GRAMD4: variants seen among roughly 807,000 people sequenced by gnomAD.
The protein encoded by GRAMD4 is GRAM domain-containing protein 4.
Under a neutral mutation model 83.9 loss-of-function variants are expected in GRAMD4, and 25 were observed. The ratio of observed to expected loss-of-function variants is 0.30; its 90% CI spans 0.22 to 0.42. The LOEUF (loss-of-function observed/expected upper bound fraction) is 0.42, where lower values mean the gene tolerates loss of function less well. GRAMD4 is among the 10% of genes least tolerant of loss of function. GRAMD4 has a pLI of 1.00. For missense variants in GRAMD4, 593 were observed against 788.7 expected (o/e 0.75, Z 2.97); for synonymous variants, 336 against 320.9 (o/e 1.05, Z -0.50).
At chr22:46,632,390 A>C (rs965084497) in intron 2 of GRAMD4, among the ~76,000 whole-genome samples, 5 of 152,238 alleles carry the variant, frequency 3.3e-5, no homozygotes, top group African/African-American at 1.2e-4. Context: ...AGAGGGCTGC[A>C]GATTTCAGTT....
At chr22:46,589,793 T>C (rs951735999) in intron 1 of GRAMD4, among the ~76,000 whole-genome samples, 3 of 152,170 alleles carry the variant, frequency 2.0e-5, no homozygotes, top group African/African-American at 7.2e-5. Flanking sequence ...ACCTGCTTTG[T>C]GTGCACCCTG....
intron 3 of GRAMD4, among the ~76,000 whole-genome samples, chr22:46,654,440 C>T (rs973221563): frequency 2.0e-5 from 3 of 152,184 alleles, no homozygotes; most frequent in African/African-American, 7.2e-5. Flanking sequence ...TTGGCAGAGC[C>T]CGGCGTGTGA....
At position 46,677,361 on chromosome 22, in the gene GRAMD4, A is replaced by G; in HGVS notation, c.*110A>G. 6.9e-7 allele frequency: 1 copy of G among 1,452,254 alleles called. No individual in the cohort carries two copies. The highest frequency in any genetic ancestry group is 9.1e-7 in the Non-Finnish European group (1 of 1,104,942). 90.0% of individuals were successfully genotyped at this position (1,452,254 alleles called of 1,614,324 possible). ...ATTGGACATCCTCATGAGCTTTTGC[A>G]ATAATTCTCCTGGACCTGTGGTTCT... On this transcript the variant is annotated 3_prime_UTR_variant, in exon 19 of 19. Coordinates refer to ENST00000406902, the MANE Select transcript of GRAMD4 (RefSeq NM_015124.5).
intron 1 of GRAMD4, among the ~76,000 whole-genome samples, chr22:46,625,769 C>T (rs1185194505): frequency 6.6e-6 from 1 of 152,246 alleles, no homozygotes; most frequent in Non-Finnish European, 1.5e-5. Flanking sequence ...CTGTGGGCCA[C>T]TGATCCTGGC....
In GRAMD4 at chr22:46,673,662, G is replaced by A. The variant is rs552462346; in HGVS notation, c.1240-8G>A. On this transcript the variant is annotated splice_polypyrimidine_tract_variant and splice_region_variant and intron_variant, in intron 14 of 18. Transcript: ENST00000406902. ...GGGCCTGACCTCGACGCTGTTTGCC[G>A]TTGGCAGCTGCAGACGACCTCGTCA... 3.4e-5 allele frequency: 55 copies of A among 1,609,608 alleles called. No homozygotes were observed. The highest frequency in any genetic ancestry group is 8.3e-5 in the Admixed American group (5 of 59,990).
intron 10 of GRAMD4, 104 bp downstream of exon 10, chr22:46,666,977 G>C (rs773591819): frequency 9.9e-5 from 80 of 810,470 alleles, no homozygotes; most frequent in Non-Finnish European, 1.5e-4. Flanking sequence ...AGGCCATGTG[G>C]TCATCCCCCT....
intron 1 of GRAMD4, among the ~76,000 whole-genome samples, chr22:46,602,199 G>A (rs150556888): frequency 4.3e-4 from 65 of 152,274 alleles, no homozygotes; most frequent in African/African-American, 1.3e-3. Context: ...TTGCCCCACC[G>A]CCATCGTGCG....
chr22:46,586,257 C>CA (rs2081148604), intron 1 of GRAMD4, among the ~76,000 whole-genome samples: 3 of 152,212 alleles, frequency 2.0e-5, no homozygotes, highest in Non-Finnish European at 2.9e-5. Context: ...TGTCTCCTTC[C>CA]TTGCCCTGGC....
chr22:46,681,841 C>T (rs534657578), downstream of GRAMD4, among the ~76,000 whole-genome samples: 9 of 152,256 alleles, frequency 5.9e-5, no homozygotes, highest in African/African-American at 1.9e-4. Flanking sequence ...GTGAGTGACG[C>T]TGGGAACCCA....
chr22:46,651,974 G>A (rs961792274), intron 3 of GRAMD4, among the ~76,000 whole-genome samples: 8 of 152,122 alleles, frequency 5.3e-5, no homozygotes, highest in African/African-American at 1.2e-4. Context: ...GAAAGTCCAC[G>A]CCGGGCCAGG....
intron 1 of GRAMD4, among the ~76,000 whole-genome samples, chr22:46,595,641 T>C (rs4823862): frequency 0.92 from 139,696 of 152,280 alleles, 64,233 homozygotes; most frequent in East Asian, 1. Context: ...CCTCTGAGCG[T>C]CACCCCTCCC....
In GRAMD4 at chr22:46,678,457, G is replaced by A. The variant is rs923870488; in HGVS notation, c.*1206G>A. On this transcript the variant is annotated 3_prime_UTR_variant, in exon 19 of 19. Coordinates refer to ENST00000406902, the MANE Select transcript of GRAMD4 (RefSeq NM_015124.5). ...TCCCGGGAACAAGGTGGCATTTGTG[G>A]AGGGAGCGCCCGCAGGCCTGGTCTG... 7.1e-6 allele frequency: 7 copies of A among 985,316 alleles called. No individual in the cohort carries two copies. Among genetic ancestry groups the A allele is most frequent in the Admixed American group, 6.1e-5 (1 of 16,278 alleles). The allele number at this position is 985,316 out of a possible 1,614,324, so 61.0% of individuals were successfully genotyped here.
chr22:46,624,110 T>G (rs1179952434), intron 1 of GRAMD4, among the ~76,000 whole-genome samples: 1 of 152,116 alleles, frequency 6.6e-6, no homozygotes, highest in Non-Finnish European at 1.5e-5. Context: ...ACATGGATAT[T>G]AATCCTTCAT....
chr22:46,584,748 G>A (rs1257317716), intron 1 of GRAMD4, among the ~76,000 whole-genome samples: 1 of 152,212 alleles, frequency 6.6e-6, no homozygotes, highest in Non-Finnish European at 1.5e-5. Context: ...GAGGGAGGCT[G>A]CAGGAGAACC....
At chr22:46,682,746 T>C (rs1031362342), downstream of GRAMD4, among the ~76,000 whole-genome samples, 2 of 152,238 alleles carry the variant, frequency 1.3e-5, no homozygotes, top group Non-Finnish European at 2.9e-5. Flanking sequence ...ATAAACTCTT[T>C]CTTAGGAGAA....
Position 46,637,313 on chromosome 22 carries a change from C to T in GRAMD4, c.163-527C>T, listed in dbSNP as rs528693623. ...TGTCGCCCAGGCTGGAGCACAGTGGCGCGATCTTGGCTCACTGCAAGCTCC... is the reference window on the plus strand; with the variant it reads ...TGTCGCCCAGGCTGGAGCACAGTGGTGCGATCTTGGCTCACTGCAAGCTCC... On this transcript the variant is annotated intron_variant, in intron 2 of 18. Coordinates refer to ENST00000406902, the MANE Select transcript of GRAMD4 (RefSeq NM_015124.5). Among the ~76,000 whole-genome samples the T allele has an allele frequency of 3.8e-3, 570 of 150,048 alleles. 3 individuals are homozygous for T. The highest frequency in any genetic ancestry group is 0.013 in the African/African-American group (539 of 40,462).
chr22:46,593,943 T>G (rs1213782434), intron 1 of GRAMD4, among the ~76,000 whole-genome samples: 1 of 151,946 alleles, frequency 6.6e-6, no homozygotes, highest in African/African-American at 2.4e-5. Context: ...CAGGATAGTC[T>G]TGAACTCCTG....
At chr22:46,625,787 C>T (rs1256389498) in intron 1 of GRAMD4, among the ~76,000 whole-genome samples, 4 of 152,254 alleles carry the variant, frequency 2.6e-5, no homozygotes, top group Admixed American at 1.3e-4. Context: ...GGCCTCCAGG[C>T]TTTTGGGGGT....
intron 3 of GRAMD4, among the ~76,000 whole-genome samples, chr22:46,638,377 T>C (rs1016501065): frequency 3.9e-5 from 6 of 152,242 alleles, no homozygotes; most frequent in African/African-American, 7.2e-5. Flanking sequence ...TGAAATCTTA[T>C]GTTTGTTCTG....
Sources: gnomAD v4.1 joint callset for allele counts (sites outside exome capture counted in the v4.1 genomes callset) on GRCh38, gnomAD v4.1.1 for gene constraint, MANE v1.5 for transcripts, NCBI Gene and HGNC (gene_info 2026-07-23, HGNC 2026-07-21) for gene names.